The following XRCC1 variants were observed in gnomAD, a reference collection of about 807,000 sequenced individuals.
XRCC1 encodes the protein X-ray repair cross complementing 1, also known as DNA repair protein XRCC1.
In XRCC1, 52 loss-of-function variants were observed where a neutral mutation model predicts 83.3. The ratio of observed to expected loss-of-function variants is 0.62; its 90% confidence interval spans 0.50 to 0.79. The LOEUF (loss-of-function observed/expected upper bound fraction) is 0.79, where lower values mean the gene tolerates loss of function less well. Ranked by LOEUF, XRCC1 falls within the 30% of genes least tolerant of loss-of-function variation. The probability of loss-of-function intolerance (pLI) is 0.00; values close to 1 mark genes in which losing one functional copy is unlikely to be tolerated. For missense variants in XRCC1, 793 were observed against 823.5 expected (o/e 0.96, Z 0.45); for synonymous variants, 281 against 312.6 (o/e 0.90, Z 1.07).
chr19:43,571,286 A>G (rs961462277), intron 2 of XRCC1, among the ~76,000 whole-genome samples: 2 of 152,258 alleles, frequency 1.3e-5, no homozygotes, highest in African/African-American at 4.8e-5. Flanking sequence ...TCTTTTCCCT[A>G]GATACATACA....
At chr19:43,551,188 G>A (rs889791885) in intron 10 of XRCC1, among the ~76,000 whole-genome samples, 32 of 152,106 alleles carry the variant, frequency 2.1e-4, no homozygotes, top group African/African-American at 6.3e-4. Flanking sequence ...GGCTGGTCTC[G>A]AACTTCTGAC....
At chr19:43,555,075 G>C (rs1356431636) in intron 3 of XRCC1, 11 of 296,078 alleles carry the variant, frequency 3.7e-5, no homozygotes, top group Non-Finnish European at 6.8e-5. Flanking sequence ...GCAATACAGC[G>C]GGCTACATGT....
intron 2 of XRCC1, among the ~76,000 whole-genome samples, chr19:43,573,835 A>G (rs1201687008): frequency 6.6e-6 from 1 of 152,164 alleles, no homozygotes; most frequent in Non-Finnish European, 1.5e-5. Flanking sequence ...AGCCAAGATC[A>G]TGCCACTGCA....
chr19:43,558,709 T>C (rs1368733603), intron 3 of XRCC1, among the ~76,000 whole-genome samples: 1 of 151,908 alleles, frequency 6.6e-6, no homozygotes, highest in Admixed American at 6.6e-5. Flanking sequence ...AGTTTGGTAT[T>C]GGCATAAAGA....
chr19:43,555,903 T>C (rs1972631445), intron 3 of XRCC1, among the ~76,000 whole-genome samples: 2 of 152,172 alleles, frequency 1.3e-5, no homozygotes, highest in South Asian at 2.1e-4. Context: ...TTATTATTTT[T>C]TTAAGAGACA....
At chr19:43,560,092 G>T (rs888911123) in intron 3 of XRCC1, among the ~76,000 whole-genome samples, 1 of 150,372 alleles carries the variant, frequency 6.7e-6, no homozygotes, top group African/African-American at 2.5e-5. Context: ...AAAAAAAAAT[G>T]AACAAAAGAA....
chr19:43,574,777 C>T (rs907825295), intron 2 of XRCC1, 133 bp downstream of exon 2: 1 of 700,668 alleles, frequency 1.4e-6, no homozygotes, highest in Non-Finnish European at 2.5e-6. Flanking sequence ...GATTATGCTG[C>T]CCATTTTCCG....
chr19:43,559,231 C>T (rs1488874917), intron 3 of XRCC1, among the ~76,000 whole-genome samples: 1 of 151,892 alleles, frequency 6.6e-6, no homozygotes, highest in African/African-American at 2.4e-5. Context: ...CACCTGTAAT[C>T]CCAGCACTTT....
At chr19:43,571,415 A>G (rs538309291) in intron 2 of XRCC1, among the ~76,000 whole-genome samples, 1 of 152,330 alleles carries the variant, frequency 6.6e-6, no homozygotes, top group Admixed American at 6.5e-5. Flanking sequence ...CCCTTCATTA[A>G]GTTCCTCCAT....
At chr19:43,548,296 G>T (rs1036383060) in intron 10 of XRCC1, among the ~76,000 whole-genome samples, 3 of 152,094 alleles carry the variant, frequency 2.0e-5, no homozygotes, top group African/African-American at 7.2e-5. Context: ...CATTGAGAAC[G>T]GGCCATGATG....
chr19:43,574,702 T>C, intron 2 of XRCC1: 1 of 571,430 alleles, frequency 1.7e-6, no homozygotes, highest in Non-Finnish European at 3.1e-6. Context: ...GACCACACAC[T>C]GATTCCTGTG....
chr19:43,554,568 A>G, intron 4 of XRCC1, 78 bp downstream of exon 4: 1 of 1,505,606 alleles, frequency 6.6e-7, no homozygotes, highest in Admixed American at 2.1e-5. Context: ...TCCCAGCCCT[A>G]TGGGACTCAA....
chr19:43,548,784 A>AAAAAAAAAC (rs752610644), intron 10 of XRCC1, among the ~76,000 whole-genome samples: 152 of 142,146 alleles, frequency 1.1e-3, no homozygotes, highest in African/African-American at 2.5e-3. Flanking sequence ...AAAAAAAAAA[A>AAAAAAAAAC]AACACAACAG....
At position 43,546,796 on chromosome 19, in the gene XRCC1, G is replaced by A; in HGVS notation, c.1294-69C>T. Reference sequence around the variant, plus strand: ...GGGTGTGTTGGGGGGGTACCTGCAAGAGGCAAGAGTGGGAAGTTTGGGGTG... The same window carrying A: ...GGGTGTGTTGGGGGGGTACCTGCAAAAGGCAAGAGTGGGAAGTTTGGGGTG... On this transcript the variant is annotated intron_variant, in intron 11 of 16. Coordinates refer to ENST00000262887, the MANE Select transcript of XRCC1 (RefSeq NM_006297.3). 3.1e-6 allele frequency: 5 copies of A among 1,594,562 alleles called. No homozygotes were observed. In the South Asian group the frequency reaches 3.4e-5, roughly 11 times the overall value.
chr19:43,560,217 C>T (rs550285228), intron 3 of XRCC1, among the ~76,000 whole-genome samples: 1 of 150,794 alleles, frequency 6.6e-6, no homozygotes. Flanking sequence ...GGTGAAACCC[C>T]GTCTCTACTA....
At chr19:43,574,666 C>A in intron 2 of XRCC1, 1 of 486,726 alleles carries the variant, frequency 2.1e-6, no homozygotes. Context: ...AAACTGGAAC[C>A]CAGAAAGTAG....
intron 3 of XRCC1, among the ~76,000 whole-genome samples, chr19:43,560,585 GC>G (rs1972687744): frequency 6.6e-6 from 1 of 152,150 alleles, no homozygotes; most frequent in South Asian, 2.1e-4. Flanking sequence ...CTCCCCTAGA[GC>G]CTCCAGAAGG....
rs1423836000 is a variant in XRCC1, at chr19:43,546,950, G to A, written c.1227C>T (p.Ser409=). The stretch of plus-strand genomic sequence containing the variant: ...TGTGAGAGGCCTCATCCTCCTCACT[G>A]CTGGAACCTGGCCCTGCCATGAGGT... ...QRYLMAGPGS[S]SEEDEASHSG... is the part of the protein sequence containing the mutation. The change falls in exon 11 of 17, where the codon AGC becomes AGT. Residue 409 remains serine, a synonymous_variant. Coordinates refer to ENST00000262887, the MANE Select transcript of XRCC1 (RefSeq NM_006297.3). 1.9e-6 allele frequency: 3 copies of A among 1,614,020 alleles called. No individual in the cohort carries two copies. In the South Asian group the frequency reaches 3.3e-5, roughly 18 times the overall value.
In XRCC1 at chr19:43,554,693, T is replaced by C; in HGVS notation, c.367A>G (p.Lys123Glu). The C allele has an allele frequency of 6.2e-7, 1 of 1,613,932 alleles. No individual in the cohort carries two copies. Among genetic ancestry groups the C allele is most frequent in the Non-Finnish European group, 8.5e-7 (1 of 1,179,886 alleles). ...ACAATTTTGACCCGGTCCCAGCGCT[T>C]CTCGGCGGCTGCCCGGACCAGCTTG... ...PDKLVRAAAE[K>E]RWDRVKIVCS... The change falls in exon 4 of 17, where the codon AAG (lysine) becomes GAG (glutamate). Residue 123 changes from lysine (K) to glutamate (E), a missense_variant. Lys to Glu is a moderately conservative substitution (Grantham distance 56). Coordinates refer to ENST00000262887, the MANE Select transcript of XRCC1 (RefSeq NM_006297.3).
Sources: allele counts gnomAD v4.1 joint callset (sites outside exome capture counted in the v4.1 genomes callset), GRCh38; gene constraint gnomAD v4.1.1; transcripts MANE v1.5; gene names NCBI Gene and HGNC (gene_info 2026-07-23, HGNC 2026-07-21).